Variants in RAB38 observed in about 807,000 individuals in gnomAD.
RAB38 encodes ras-related protein Rab-38.
RAB38 carries 15 observed loss-of-function variants against 18.4 expected under a neutral mutation model. The observed-to-expected ratio is 0.82, with a 90% CI of 0.55 to 1.26. RAB38 has a LOEUF of 1.26. RAB38 is among the 50% of genes most tolerant of loss of function. RAB38 has a pLI of 0.00. For missense variants in RAB38, 294 were observed against 267.4 expected (o/e 1.10, Z -0.69); for synonymous variants, 101 against 104.4 (o/e 0.97, Z 0.20).
the RAB38 span, among the ~76,000 whole-genome samples, chr11:87,952,783 C>G: frequency 1.3e-5 from 2 of 152,080 alleles, no homozygotes; most frequent in South Asian, 2.1e-4. Context: ...GACTTTTTGT[C>G]TTTTACATGT....
chr11:87,818,288 A>C, the RAB38 span, among the ~76,000 whole-genome samples: 2 of 152,196 alleles, frequency 1.3e-5, no homozygotes, highest in Non-Finnish European at 2.9e-5. Flanking sequence ...TATATTCCTC[A>C]AACTAGTATG....
chr11:88,005,901 G>A, the RAB38 span, among the ~76,000 whole-genome samples: 2 of 151,424 alleles, frequency 1.3e-5, no homozygotes, highest in Non-Finnish European at 3.0e-5. Context: ...TTGTATATCA[G>A]TTGTCTATAG....
the RAB38 span, among the ~76,000 whole-genome samples, chr11:88,072,233 G>T: frequency 1.3e-5 from 2 of 152,208 alleles, no homozygotes; most frequent in Non-Finnish European, 2.9e-5. Flanking sequence ...AGTGGAATTT[G>T]CTAGAAATAA....
the RAB38 span, among the ~76,000 whole-genome samples, chr11:88,018,903 C>A: frequency 6.6e-6 from 1 of 152,112 alleles, no homozygotes; most frequent in African/African-American, 2.4e-5. Flanking sequence ...GAACTGACTG[C>A]ATTTCACTCA....
chr11:88,051,472 A>C, the RAB38 span, among the ~76,000 whole-genome samples: 2 of 151,898 alleles, frequency 1.3e-5, no homozygotes, highest in African/African-American at 4.8e-5. Flanking sequence ...TGAAAACTCA[A>C]CTGACATTGG....
the RAB38 span, among the ~76,000 whole-genome samples, chr11:88,070,621 C>G: frequency 2.0e-5 from 3 of 152,160 alleles, no homozygotes; most frequent in South Asian, 2.1e-4. Flanking sequence ...GCTCAGAGAA[C>G]TTAGGTCAAG....
the RAB38 span, among the ~76,000 whole-genome samples, chr11:87,852,253 G>C: frequency 1.3e-5 from 2 of 152,090 alleles, no homozygotes; most frequent in Non-Finnish European, 2.9e-5. Context: ...CTACTCTATG[G>C]GAGAAGGTCA....
the RAB38 span, among the ~76,000 whole-genome samples, chr11:87,843,417 A>C: frequency 5.3e-5 from 8 of 152,186 alleles, no homozygotes; most frequent in African/African-American, 1.4e-4. Context: ...ATAATCAGGA[A>C]CCATGTGTTA....
At chr11:88,051,144 C>T in the RAB38 span, among the ~76,000 whole-genome samples, 1 of 151,894 alleles carries the variant, frequency 6.6e-6, no homozygotes, top group Non-Finnish European at 1.5e-5. Flanking sequence ...AATTTCTGTA[C>T]CCAAGAAATG....
At chr11:88,052,954 T>TAA in the RAB38 span, among the ~76,000 whole-genome samples, 51 of 109,008 alleles carry the variant, frequency 4.7e-4, no homozygotes, top group African/African-American at 8.4e-4. Flanking sequence ...AAATTATATA[T>TAA]ATGATATATA....
the RAB38 span, among the ~76,000 whole-genome samples, chr11:87,951,081 A>C: frequency 1.3e-5 from 2 of 151,842 alleles, no homozygotes; most frequent in East Asian, 1.9e-4. Flanking sequence ...GGCTTTGTTT[A>C]TTTCTTTCTA....
chr11:87,963,712 T>C, the RAB38 span, among the ~76,000 whole-genome samples: 7 of 151,396 alleles, frequency 4.6e-5, no homozygotes, highest in Admixed American at 4.6e-4. Context: ...AGTGGTATGG[T>C]CTCGGCTCCC....
chr11:88,093,174 T>C, the RAB38 span, among the ~76,000 whole-genome samples: 1 of 151,926 alleles, frequency 6.6e-6, no homozygotes. Context: ...CGTGTGTCCA[T>C]ATGGCCAGAG....
At chr11:87,893,390 A>ATATTTTTTTT in the RAB38 span, among the ~76,000 whole-genome samples, 61 of 93,890 alleles carry the variant, frequency 6.5e-4, no homozygotes, top group South Asian at 1.2e-3. Flanking sequence ...ATATATATAT[A>ATATTTTTTTT]TTTTTTTTTT....
chr11:87,927,987 A>G, the RAB38 span, among the ~76,000 whole-genome samples: 5 of 152,144 alleles, frequency 3.3e-5, no homozygotes, highest in South Asian at 8.3e-4. Flanking sequence ...CTGAGGTGGG[A>G]GGATTGCTTG....
the RAB38 span, among the ~76,000 whole-genome samples, chr11:88,014,579 T>C: frequency 5.3e-5 from 8 of 152,248 alleles, no homozygotes; most frequent in Admixed American, 5.2e-4. Context: ...ACAATCTGGA[T>C]GTAACAAGTC....
At chr11:88,004,151 T>C in the RAB38 span, among the ~76,000 whole-genome samples, 1 of 148,956 alleles carries the variant, frequency 6.7e-6, no homozygotes, top group Non-Finnish European at 1.5e-5. Flanking sequence ...AAATATTACT[T>C]ATAGAACAAT....
At chr11:87,872,236 C>G in the RAB38 span, among the ~76,000 whole-genome samples, 1 of 151,474 alleles carries the variant, frequency 6.6e-6, no homozygotes. Context: ...TTTTCCGTTT[C>G]CCATGAAGAG....
chr11:88,017,078 C>T, the RAB38 span, among the ~76,000 whole-genome samples: 1 of 151,892 alleles, frequency 6.6e-6, no homozygotes, highest in Non-Finnish European at 1.5e-5. Context: ...AGCTTAACTT[C>T]GAATTTGAAG....
Sources: allele counts gnomAD v4.1 joint callset (sites outside exome capture counted in the v4.1 genomes callset), GRCh38; gene constraint gnomAD v4.1.1; transcripts MANE v1.5; gene names NCBI Gene and HGNC (gene_info 2026-07-23, HGNC 2026-07-21).